EPC2: variants seen among roughly 807,000 people sequenced by gnomAD.
EPC2 encodes enhancer of polycomb homolog 2.
In EPC2, 14 loss-of-function variants were observed where a neutral mutation model predicts 92.1. The ratio of observed to expected loss-of-function variants is 0.15; its 90% CI spans 0.10 to 0.24. The LOEUF (loss-of-function observed/expected upper bound fraction) is 0.24, where lower values mean the gene tolerates loss of function less well. Among genes scored for constraint, EPC2 ranks in the 10% least tolerant of loss-of-function variants. EPC2 has a pLI of 1.00. For synonymous variants in EPC2, 340 were observed against 334.7 expected, an observed-to-expected ratio of 1.02 and a Z score of -0.17; for missense variants, 755 against 971.5, an observed-to-expected ratio of 0.78 and a Z score of 2.96.
intron 1 of EPC2, among the ~76,000 whole-genome samples, chr2:148,647,119 C>CA (rs1380090938): frequency 1.5e-4 from 23 of 151,222 alleles, no homozygotes; most frequent in Non-Finnish European, 2.1e-4. Flanking sequence ...CCCCCAACAA[C>CA]AAAAAAAAGG....
At chr2:148,682,526 G>T (rs1444884177) in intron 1 of EPC2, among the ~76,000 whole-genome samples, 1 of 152,094 alleles carries the variant, frequency 6.6e-6, no homozygotes, top group Non-Finnish European at 1.5e-5. Flanking sequence ...AATATGTTTT[G>T]AAAACTCTCC....
At chr2:148,729,751 A>T (rs945824677) in intron 2 of EPC2, among the ~76,000 whole-genome samples, 1 of 152,190 alleles carries the variant, frequency 6.6e-6, no homozygotes, top group Non-Finnish European at 1.5e-5. Context: ...ATCATTAAAA[A>T]ATATATATTC....
At chr2:148,688,002 G>A (rs548455567) in intron 1 of EPC2, among the ~76,000 whole-genome samples, 2 of 152,046 alleles carry the variant, frequency 1.3e-5, no homozygotes, top group Non-Finnish European at 2.9e-5. Flanking sequence ...CTTGCTGAAC[G>A]AAACTTTTCT....
chr2:148,681,571 A>G lies in EPC2; in HGVS notation c.154-8643A>G, dbSNP rs550316594. Among the ~76,000 whole-genome samples the G allele has an allele frequency of 8.5e-5, 13 of 152,352 alleles. No individual in the cohort carries two copies. In the East Asian group the frequency reaches 1.9e-3, roughly 23 times the overall value. ...ACAATAAAAAACATTTTACAAACGT[A>G]TATGACTGAAATAACTTTTTACATT... is the stretch of plus-strand genomic sequence containing the variant. On this transcript the variant is annotated intron_variant, in intron 1 of 13. Coordinates refer to ENST00000258484, the MANE Select transcript of EPC2 (RefSeq NM_015630.4).
chr2:148,747,792 C>G (rs928230476), intron 3 of EPC2, among the ~76,000 whole-genome samples: 3 of 152,062 alleles, frequency 2.0e-5, no homozygotes, highest in Non-Finnish European at 4.4e-5. Context: ...CCTTTGTTAT[C>G]TGTCCCCTGC....
rs558509996 is a variant in EPC2, at chr2:148,664,457, C to T, written c.153+19287C>T. On this transcript the variant is annotated intron_variant, in intron 1 of 13. Coordinates refer to ENST00000258484, the MANE Select transcript of EPC2 (RefSeq NM_015630.4). ...AGGCTGCAGTGAGTTGTGATCGCAC[C>T]GCTGTCCTCCAGCCAGGGCGACAGA... Among the ~76,000 whole-genome samples the T allele has an allele frequency of 3.3e-5, 5 of 152,258 alleles. No individual in the cohort carries two copies. In the South Asian group the frequency reaches 6.2e-4, roughly 19 times the overall value.
intron 10 of EPC2, among the ~76,000 whole-genome samples, chr2:148,775,119 A>T (rs1240247753): frequency 1.3e-5 from 2 of 151,890 alleles, no homozygotes; most frequent in Non-Finnish European, 2.9e-5. Context: ...AGAAAAAGAA[A>T]ACCACTTCTC....
chr2:148,740,240 T>C (rs936444855), intron 2 of EPC2, among the ~76,000 whole-genome samples: 17 of 151,932 alleles, frequency 1.1e-4, no homozygotes, highest in African/African-American at 3.6e-4. Flanking sequence ...TTTTTTTTTT[T>C]TCTCTAAGTG....
At chr2:148,719,840 G>A (rs1269356636) in intron 2 of EPC2, among the ~76,000 whole-genome samples, 1 of 152,240 alleles carries the variant, frequency 6.6e-6, no homozygotes, top group South Asian at 2.1e-4. Flanking sequence ...TGGCTGAGGA[G>A]CCCAAACAGC....
intron 2 of EPC2, among the ~76,000 whole-genome samples, chr2:148,734,693 C>G (rs1682715666): frequency 6.6e-6 from 1 of 151,870 alleles, no homozygotes; most frequent in Non-Finnish European, 1.5e-5. Context: ...GCATTTATTG[C>G]CCTTGTTTTA....
chr2:148,671,293 T>G (rs1387290864), intron 1 of EPC2, among the ~76,000 whole-genome samples: 2 of 150,866 alleles, frequency 1.3e-5, no homozygotes, highest in South Asian at 2.1e-4. Flanking sequence ...TGTGATTTTT[T>G]TTTTTTTTTT....
intron 3 of EPC2, among the ~76,000 whole-genome samples, chr2:148,752,174 T>C (rs1683092079): frequency 6.6e-6 from 1 of 152,132 alleles, no homozygotes; most frequent in Non-Finnish European, 1.5e-5. Flanking sequence ...CTTATCCTTC[T>C]CCCCATTCGG....
chr2:148,713,902 T>C (rs1437921770), intron 2 of EPC2, among the ~76,000 whole-genome samples: 2 of 152,176 alleles, frequency 1.3e-5, no homozygotes, highest in Non-Finnish European at 2.9e-5. Context: ...GAATGTTTCT[T>C]TTTTATTTCT....
rs1464462772 is a variant in EPC2 at position 148,787,193 on chromosome 2, CTG to C, written c.*818_*819del. On this transcript the variant is annotated 3_prime_UTR_variant, in exon 14 of 14. Transcript: ENST00000258484. ...CTGCATATTTTAACTGGCTTTAAAA[CTG>C]TAACACATCACATAAAAGATACTTT... 2 of 151,608 alleles carry C rather than the reference CTG, an allele frequency of 1.3e-5. No homozygotes were observed. The highest frequency in any genetic ancestry group is 2.9e-5 in the Non-Finnish European group (2 of 67,940). The allele number at this position is 151,608 out of a possible 1,614,324, so 9.4% of individuals were successfully genotyped here.
At chr2:148,696,385 G>A (rs16829171) in intron 2 of EPC2, among the ~76,000 whole-genome samples, 1,893 of 152,238 alleles carry the variant, frequency 0.012, 38 homozygotes, top group African/African-American at 0.044. Flanking sequence ...AAAGGAGAAC[G>A]CCCCTTCAGG....
intron 2 of EPC2, among the ~76,000 whole-genome samples, chr2:148,712,314 C>T (rs1052667240): frequency 6.6e-6 from 1 of 151,906 alleles, no homozygotes; most frequent in Admixed American, 6.6e-5. Flanking sequence ...AGGCCACTTG[C>T]AAGTAGCACT....
At chr2:148,671,519 CAGG>C (rs1295173506) in intron 1 of EPC2, among the ~76,000 whole-genome samples, 4 of 152,096 alleles carry the variant, frequency 2.6e-5, no homozygotes, top group Non-Finnish European at 5.9e-5. Context: ...GAGGCTGAGG[CAGG>C]AGAATTGCCT....
At chr2:148,659,996 C>T (rs1333109099) in intron 1 of EPC2, among the ~76,000 whole-genome samples, 1 of 152,066 alleles carries the variant, frequency 6.6e-6, no homozygotes, top group Non-Finnish European at 1.5e-5. Context: ...AATACCTACT[C>T]TTCCATTATA....
At chr2:148,740,735 T>G (rs1682866101) in intron 2 of EPC2, among the ~76,000 whole-genome samples, 1 of 152,216 alleles carries the variant, frequency 6.6e-6, no homozygotes, top group Non-Finnish European at 1.5e-5. Context: ...TGAAAACTTC[T>G]GTTTAACTTA....
Sources: gnomAD v4.1 joint callset for allele counts (sites outside exome capture counted in the v4.1 genomes callset) on GRCh38, gnomAD v4.1.1 for gene constraint, MANE v1.5 for transcripts, NCBI Gene and HGNC (gene_info 2026-07-23, HGNC 2026-07-21) for gene names.